The following AP3B2 variants were observed in gnomAD, a reference collection of about 807,000 sequenced individuals.
AP3B2 encodes the protein adaptor related protein complex 3 subunit beta 2, also known as AP-3 complex subunit beta-2.
AP3B2 carries 50 observed loss-of-function variants against 126.9 expected under a neutral mutation model. The observed-to-expected ratio is 0.39, with a 90% CI of 0.31 to 0.50. AP3B2 has a LOEUF of 0.50. Ranked by LOEUF, AP3B2 falls within the 20% of genes least tolerant of loss-of-function variation. The pLI is 0.79. For synonymous variants in AP3B2, 541 were observed against 565.0 expected, an observed-to-expected ratio of 0.96 and a Z score of 0.60; for missense variants, 1,177 against 1,426.4, an observed-to-expected ratio of 0.83 and a Z score of 2.82.
At position 82,677,361 on chromosome 15, in the gene AP3B2, C is replaced by T; in HGVS notation, c.1401G>A (p.Val467=). The T allele has an allele frequency of 6.2e-7, 1 of 1,613,904 alleles. No homozygotes were observed. Among genetic ancestry groups the T allele is most frequent in the Non-Finnish European group, 8.5e-7 (1 of 1,179,870 alleles). ...NRDELVVAES[V]VVIKKLLQMQ... is the part of the protein sequence containing the mutation. ...TCTGTAGCAATTTCTTAATGACGAC[C>T]ACTGACTCTGCAACCACAAGCTCTA... The change falls in exon 13 of 27, where the codon GTG becomes GTA. Residue 467 remains valine, a synonymous_variant. Coordinates refer to ENST00000535359, the MANE Select transcript of AP3B2 (RefSeq NM_001278512.2).
At position 82,665,799 on chromosome 15, in the gene AP3B2, A is replaced by G. The variant is rs915806556; in HGVS notation, c.1853-224T>C. Among the ~76,000 whole-genome samples, 1 of 152,208 alleles carries G rather than the reference A, an allele frequency of 6.6e-6. No individual in the cohort carries two copies. The highest frequency in any genetic ancestry group is 2.4e-5 in the African/African-American group (1 of 41,458). On this transcript the variant is annotated intron_variant, in intron 15 of 26. Transcript: ENST00000535359. The surrounding 1 kb of genome is among the most constrained non-coding windows in gnomAD (Gnocchi z 4.4). ...CAGGCCAGAGCAGGGACTGAGGGCCAGGGAAAGGCAGCCTACAGAGGTGGG... is the reference window on the plus strand; with the variant it reads ...CAGGCCAGAGCAGGGACTGAGGGCCGGGGAAAGGCAGCCTACAGAGGTGGG...
rs753871861 is a variant in AP3B2 at position 82,680,833 on chromosome 15, T to G, written c.771+4A>C. On this transcript the variant is annotated splice_donor_region_variant and intron_variant, in intron 7 of 26. Coordinates refer to ENST00000535359, the MANE Select transcript of AP3B2 (RefSeq NM_001278512.2). This position sits in a 1 kb window ranked among gnomAD's most constrained non-coding sequence, Gnocchi z 6.1. ...CCCGCTCTGCCTGGGCTGGGCCCAC[T>G]TACGTTCTGGGTGGGGCTCAGGAAC... 6.2e-7 allele frequency: 1 copy of G among 1,613,444 alleles called. No individual in the cohort carries two copies. Among genetic ancestry groups the G allele is most frequent in the Non-Finnish European group, 8.5e-7 (1 of 1,179,656 alleles).
At chr15:82,669,069 CT>C (rs2048106228) in intron 14 of AP3B2, among the ~76,000 whole-genome samples, 1 of 152,200 alleles carries the variant, frequency 6.6e-6, no homozygotes, top group Non-Finnish European at 1.5e-5. Flanking sequence ...CAGTAGCTGC[CT>C]CCTGGTGTTC....
intron 1 of AP3B2, among the ~76,000 whole-genome samples, chr15:82,695,178 C>A (rs1222076815): frequency 6.6e-6 from 1 of 150,598 alleles, no homozygotes; most frequent in Non-Finnish European, 1.5e-5. Context: ...CGGCTCACTG[C>A]AGCCTCCACC....
At chr15:82,661,353 C>T (rs1350205435) in intron 25 of AP3B2, among the ~76,000 whole-genome samples, 2 of 152,176 alleles carry the variant, frequency 1.3e-5, no homozygotes, top group East Asian at 3.8e-4. Flanking sequence ...CATGATCTTC[C>T]CTCCTCCCTT....
chr15:82,670,873 T>C (rs757833450), intron 14 of AP3B2, among the ~76,000 whole-genome samples: 10 of 152,206 alleles, frequency 6.6e-5, no homozygotes, highest in Admixed American at 4.6e-4. Flanking sequence ...AATAATCCAA[T>C]TTAAAAATGG....
chr15:82,681,675 C>T lies in AP3B2; in HGVS notation c.361-95G>A. 3 of 1,328,438 alleles carry T rather than the reference C, an allele frequency of 2.3e-6. No homozygotes were observed. The highest frequency in any genetic ancestry group is 3.1e-6 in the Non-Finnish European group (3 of 973,124). 82.3% of individuals were successfully genotyped at this position (1,328,438 alleles called of 1,614,324 possible). ...TGGAAGTCACTGTCCCCAGCGACCACTAGCTCTTGCTTCCCTGCCGCTTGA... is the reference window on the plus strand; with the variant it reads ...TGGAAGTCACTGTCCCCAGCGACCATTAGCTCTTGCTTCCCTGCCGCTTGA... On this transcript the variant is annotated intron_variant, in intron 4 of 26. Coordinates refer to ENST00000535359, the MANE Select transcript of AP3B2 (RefSeq NM_001278512.2). This position sits in a 1 kb window ranked among gnomAD's most constrained non-coding sequence, Gnocchi z 4.0.
intron 10 of AP3B2, among the ~76,000 whole-genome samples, chr15:82,678,684 TC>T (rs1242140210): frequency 6.6e-6 from 1 of 152,200 alleles, no homozygotes; most frequent in Non-Finnish European, 1.5e-5. Flanking sequence ...CGGGAAAACT[TC>T]CCTGGCACCA....
chr15:82,702,074 G>C (rs998611008), intron 1 of AP3B2, among the ~76,000 whole-genome samples: 2 of 151,954 alleles, frequency 1.3e-5, no homozygotes, highest in Non-Finnish European at 2.9e-5. Context: ...GTGTCTTCAG[G>C]GTTCAGACTT....
intron 23 of AP3B2, 158 bp from the exon 24 acceptor site, chr15:82,662,410 C>G (rs1596165790): frequency 1.5e-6 from 1 of 672,682 alleles, no homozygotes; most frequent in East Asian, 2.7e-5. Flanking sequence ...TCCCGGTTTC[C>G]TCCTGAACTC....
chr15:82,699,868 C>A (rs139297857), intron 1 of AP3B2: 3 of 399,658 alleles, frequency 7.5e-6, no homozygotes, highest in South Asian at 1.3e-4. Context: ...CTGCAGGAAT[C>A]GCTGCATCAG....
At chr15:82,700,254 C>T (rs563595374) in intron 1 of AP3B2, among the ~76,000 whole-genome samples, 1 of 151,932 alleles carries the variant, frequency 6.6e-6, no homozygotes, top group African/African-American at 2.4e-5. Flanking sequence ...TGATTTATTC[C>T]TTCCCATCAA....
At chr15:82,667,984 C>T (rs888270289) in intron 14 of AP3B2, among the ~76,000 whole-genome samples, 1 of 152,122 alleles carries the variant, frequency 6.6e-6, no homozygotes, top group Non-Finnish European at 1.5e-5. Flanking sequence ...GCATCAGGGG[C>T]CGGCAGGAGG....
chr15:82,671,086 C>G (rs1238765857), intron 14 of AP3B2, among the ~76,000 whole-genome samples: 2 of 151,706 alleles, frequency 1.3e-5, no homozygotes, highest in African/African-American at 4.8e-5. Context: ...GAGTTGAGAC[C>G]AGCCTGACCA....
chr15:82,689,523 G>A (rs2048488167), intron 1 of AP3B2, 70 bp from the exon 2 acceptor site: 1 of 1,487,144 alleles, frequency 6.7e-7, no homozygotes, highest in Non-Finnish European at 9.2e-7. Context: ...GGAGGGTCCA[G>A]GCACAAAGAA....
intron 21 of AP3B2, 106 bp from the exon 22 acceptor site, chr15:82,663,339 G>C (rs1037685806): frequency 1.9e-6 from 2 of 1,041,710 alleles, no homozygotes; most frequent in Admixed American, 4.0e-5. Context: ...GGACAGCGGG[G>C]CACATGGCTG....
intron 1 of AP3B2, among the ~76,000 whole-genome samples, chr15:82,694,307 G>A (rs541541784): frequency 6.6e-6 from 1 of 151,886 alleles, no homozygotes; most frequent in Non-Finnish European, 1.5e-5. Flanking sequence ...GCCAGGCCTA[G>A]GTTTAATTTT....
At chr15:82,690,970 G>A (rs919476670) in intron 1 of AP3B2, among the ~76,000 whole-genome samples, 6 of 89,832 alleles carry the variant, frequency 6.7e-5, no homozygotes, top group African/African-American at 2.3e-4. Flanking sequence ...ATGAGCCACC[G>A]CACCCAGCCA....
chr15:82,679,001 T>G (rs749685453), intron 10 of AP3B2, among the ~76,000 whole-genome samples: 2 of 152,188 alleles, frequency 1.3e-5, no homozygotes, highest in Non-Finnish European at 2.9e-5. Context: ...CCGTGAATGT[T>G]TGCAGGAGAG....
Sources: gnomAD v4.1 joint callset for allele counts (sites outside exome capture counted in the v4.1 genomes callset) on GRCh38, gnomAD v4.1.1 for gene constraint, Gnocchi (gnomAD v3.1) non-coding constraint, MANE v1.5 for transcripts, NCBI Gene and HGNC (gene_info 2026-07-23, HGNC 2026-07-21) for gene names.